Variants in PHKB observed in about 807,000 individuals in gnomAD.
The protein encoded by PHKB is phosphorylase b kinase regulatory subunit beta.
In PHKB, 122 loss-of-function variants were observed where a neutral mutation model predicts 152.1. That is an observed-to-expected ratio of 0.80 (90% CI 0.69 to 0.93). The LOEUF is 0.93. Ranked by LOEUF, PHKB falls within the 40% of genes least tolerant of loss-of-function variation. PHKB has a pLI of 0.00. For synonymous variants in PHKB, 436 were observed against 464.9 expected (o/e 0.94, Z 0.80); for missense variants, 1,304 against 1,328.4 (o/e 0.98, Z 0.29).
intron 8 of PHKB, among the ~76,000 whole-genome samples, chr16:47,582,816 G>A (rs1364722463): frequency 6.6e-6 from 1 of 152,002 alleles, no homozygotes; most frequent in Non-Finnish European, 1.5e-5. Context: ...TCTTTTTTGA[G>A]ACAGCTTCTT....
At chr16:47,666,642 G>T (rs1183723009) in intron 25 of PHKB, among the ~76,000 whole-genome samples, 4 of 152,222 alleles carry the variant, frequency 2.6e-5, no homozygotes, top group African/African-American at 9.6e-5. Flanking sequence ...TCATTTGAAT[G>T]TGTGTCTCTC....
intron 13 of PHKB, among the ~76,000 whole-genome samples, chr16:47,602,119 G>A (rs932774989): frequency 1.1e-4 from 17 of 152,044 alleles, no homozygotes; most frequent in Non-Finnish European, 2.2e-4. Flanking sequence ...GGAGTGCAGT[G>A]GTACCATCAT....
At chr16:47,488,156 A>G (rs1970081642) in intron 1 of PHKB, among the ~76,000 whole-genome samples, 1 of 151,934 alleles carries the variant, frequency 6.6e-6, no homozygotes, top group Non-Finnish European at 1.5e-5. Flanking sequence ...ATGGTATCTC[A>G]TTGTGGTTCT....
At chr16:47,532,198 G>A (rs1432088583) in intron 6 of PHKB, among the ~76,000 whole-genome samples, 1 of 152,168 alleles carries the variant, frequency 6.6e-6, no homozygotes, top group East Asian at 1.9e-4. Flanking sequence ...TATCAGTGAA[G>A]GATACAAAGC....
intron 26 of PHKB, among the ~76,000 whole-genome samples, chr16:47,685,751 T>C (rs966495010): frequency 4.6e-5 from 7 of 151,446 alleles, no homozygotes; most frequent in South Asian, 2.1e-4. Context: ...TTTTCTTTTT[T>C]TTTTTTTTGA....
chr16:47,475,730 ATAATCT>A (rs1432942465), intron 1 of PHKB, among the ~76,000 whole-genome samples: 2 of 152,148 alleles, frequency 1.3e-5, no homozygotes, highest in Non-Finnish European at 2.9e-5. Flanking sequence ...TATTTAAAAA[ATAATCT>A]TAATTAAGCA....
chr16:47,600,482 G>C (rs1972203143), intron 13 of PHKB, among the ~76,000 whole-genome samples: 1 of 152,180 alleles, frequency 6.6e-6, no homozygotes, highest in Admixed American at 6.5e-5. Flanking sequence ...AACCATTCAT[G>C]TAAGACCAGT....
chr16:47,566,695 T>C lies in PHKB; in HGVS notation c.711-13600T>C, dbSNP rs1248508535. 9 of 801,516 alleles carry C rather than the reference T, an allele frequency of 1.1e-5. No individual in the cohort carries two copies. The East Asian group carries it at 2.2e-4, about 20-fold the overall frequency. The allele number at this position is 801,516 out of a possible 1,614,324, so 49.7% of individuals were successfully genotyped here. ...GCAGTGGGAAGGATGGAACGGTCAA[T>C]TGGAGGTGCCCTATACACATCTTCA... On this transcript the variant is annotated intron_variant, in intron 7 of 30. Transcript: ENST00000323584.
At chr16:47,483,334 C>T (rs934693261) in intron 1 of PHKB, among the ~76,000 whole-genome samples, 2 of 152,122 alleles carry the variant, frequency 1.3e-5, no homozygotes, top group Non-Finnish European at 2.9e-5. Context: ...GGGTGTGAGC[C>T]ACCACACCTG....
chr16:47,608,607 G>A (rs1444581204), intron 13 of PHKB, among the ~76,000 whole-genome samples: 1 of 152,136 alleles, frequency 6.6e-6, no homozygotes, highest in Non-Finnish European at 1.5e-5. Flanking sequence ...AGCTACTCAG[G>A]AGACTGAGGC....
intron 20 of PHKB, among the ~76,000 whole-genome samples, chr16:47,651,398 T>G (rs965460849): frequency 6.6e-6 from 1 of 152,356 alleles, no homozygotes; most frequent in Middle Eastern, 3.4e-3. Context: ...CTAAACACTC[T>G]TTGTGCTTCA....
intron 13 of PHKB, 142 bp downstream of exon 13, chr16:47,596,673 G>T: frequency 1.4e-6 from 1 of 721,560 alleles, no homozygotes; most frequent in Non-Finnish European, 2.4e-6. Context: ...CTAGTATCTA[G>T]TGGTATATTA....
intron 10 of PHKB, among the ~76,000 whole-genome samples, chr16:47,592,094 G>T (rs1972038868): frequency 6.6e-6 from 1 of 152,158 alleles, no homozygotes; most frequent in South Asian, 2.1e-4. Flanking sequence ...CAACAACAAA[G>T]AATTATTTGG....
intron 29 of PHKB, among the ~76,000 whole-genome samples, chr16:47,697,381 G>T (rs919770990): frequency 6.6e-6 from 1 of 152,184 alleles, no homozygotes; most frequent in Non-Finnish European, 1.5e-5. Context: ...AGACTGGGTC[G>T]TGAAAAGACG....
chr16:47,683,470 C>A (rs937880402), intron 26 of PHKB, among the ~76,000 whole-genome samples: 3 of 152,186 alleles, frequency 2.0e-5, no homozygotes, highest in African/African-American at 7.2e-5. Context: ...ATGGCAGGCA[C>A]CCCTCTCCCA....
chr16:47,663,695 T>C lies in PHKB; in HGVS notation c.2297T>C (p.Ile766Thr). The C allele has an allele frequency of 6.2e-7, 1 of 1,612,822 alleles. No individual in the cohort carries two copies. The highest frequency in any genetic ancestry group is 1.3e-5 in the African/African-American group (1 of 74,998). ...ITKEGTVSDHIERVYRRAGSQ... is the reference protein window; with the variant it reads ...ITKEGTVSDHTERVYRRAGSQ... ...TGTCTAGGTACCGTTTCTGATCACA[T>C]TGAGAGAGTCTATAGAAGAGCTGGC... The change falls in exon 24 of 31, where the codon ATT (isoleucine) becomes ACT (threonine). Residue 766 changes from isoleucine to threonine, a missense_variant. Coordinates refer to ENST00000323584, the MANE Select transcript of PHKB (RefSeq NM_000293.3).
chr16:47,683,303 C>G (rs1395428983), intron 26 of PHKB, among the ~76,000 whole-genome samples: 1 of 152,218 alleles, frequency 6.6e-6, no homozygotes, highest in East Asian at 1.9e-4. Context: ...TCAGACGGGA[C>G]ATTTAAGTCT....
chr16:47,610,953 C>A, intron 14 of PHKB, 33 bp downstream of exon 14: 1 of 1,260,480 alleles, frequency 7.9e-7, no homozygotes, highest in Non-Finnish European at 1.2e-6. Context: ...GATTTAGACT[C>A]GTCCAGAGAC....
intron 20 of PHKB, among the ~76,000 whole-genome samples, chr16:47,657,736 A>G (rs192714379): frequency 6.6e-6 from 1 of 152,324 alleles, no homozygotes; most frequent in East Asian, 1.9e-4. Flanking sequence ...GGCTAATAAA[A>G]TGGAAATTAT....
Sources: gnomAD v4.1 joint callset for allele counts (sites outside exome capture counted in the v4.1 genomes callset) on GRCh38, gnomAD v4.1.1 for gene constraint, MANE v1.5 for transcripts, NCBI Gene and HGNC (gene_info 2026-07-23, HGNC 2026-07-21) for gene names.